The following CDK14 variants were observed in gnomAD, a reference collection of about 807,000 sequenced individuals.
The protein encoded by CDK14 is cyclin-dependent kinase 14.
In CDK14, 34 loss-of-function variants were observed where a neutral mutation model predicts 60.7. That is an observed-to-expected ratio of 0.56 (90% confidence interval 0.43 to 0.75). The LOEUF (loss-of-function observed/expected upper bound fraction) is 0.75. Ranked by LOEUF, CDK14 falls within the 30% of genes least tolerant of loss-of-function variation. The pLI is 0.00. For missense variants in CDK14, 482 were observed against 564.1 expected, an observed-to-expected ratio of 0.85 and a Z score of 1.47; for synonymous variants, 197 against 203.7, an observed-to-expected ratio of 0.97 and a Z score of 0.28.
At chr7:91,131,191 A>T (rs1800105923) in intron 14 of CDK14, among the ~76,000 whole-genome samples, 2 of 151,866 alleles carry the variant, frequency 1.3e-5, no homozygotes, top group African/African-American at 2.4e-5. Flanking sequence ...TCCTTAACCC[A>T]CCTTCTCCTA....
intron 1 of CDK14, among the ~76,000 whole-genome samples, chr7:90,601,793 G>C (rs763553300): frequency 6.6e-6 from 1 of 151,844 alleles, no homozygotes; most frequent in Admixed American, 6.6e-5. Flanking sequence ...TCACTCTGTC[G>C]CCCAGGCTGG....
chr7:90,975,376 T>C (rs1449459106), intron 9 of CDK14, among the ~76,000 whole-genome samples: 2 of 151,842 alleles, frequency 1.3e-5, no homozygotes, highest in Non-Finnish European at 2.9e-5. Flanking sequence ...AATTTACATT[T>C]TCATTGGGTA....
intron 2 of CDK14, among the ~76,000 whole-genome samples, chr7:90,640,635 C>G (rs1199903103): frequency 6.6e-6 from 1 of 151,880 alleles, no homozygotes; most frequent in Non-Finnish European, 1.5e-5. Flanking sequence ...TTAGGTTTCT[C>G]TGGATACATT....
chr7:90,605,238 C>G (rs1799393536), intron 2 of CDK14, among the ~76,000 whole-genome samples: 2 of 152,168 alleles, frequency 1.3e-5, no homozygotes, highest in South Asian at 4.1e-4. Context: ...CAGAGAGAAC[C>G]TGCTCCAGGC....
At position 91,052,597 on chromosome 7, in the gene CDK14, A is replaced by G. The variant is rs551689109; in HGVS notation, c.1105+6637A>G. ...TGCTTCCAACAAAAGGGAAAGGTAC[A>G]TTCAAAAACTATTTAATGGATTATT... is the stretch of plus-strand genomic sequence containing the variant. On this transcript the variant is annotated intron_variant, in intron 11 of 14. Transcript: ENST00000380050. Among the ~76,000 whole-genome samples the G allele has an allele frequency of 1.2e-3, 189 of 152,354 alleles. 1 individual carries two copies. The highest frequency in any genetic ancestry group is 2.4e-3 in the Non-Finnish European group (161 of 68,036).
intron 2 of CDK14, chr7:90,726,308 C>T: frequency 2.0e-6 from 2 of 983,980 alleles, no homozygotes; most frequent in Non-Finnish European, 2.4e-6. Context: ...TAGGGTACTA[C>T]TAGCAGCCTG....
At chr7:91,151,114 C>T (rs1204597660) in intron 14 of CDK14, among the ~76,000 whole-genome samples, 1 of 152,080 alleles carries the variant, frequency 6.6e-6, no homozygotes, top group Non-Finnish European at 1.5e-5. Flanking sequence ...AACTGGAGTT[C>T]CCTTGGTGGG....
At position 90,623,747 on chromosome 7, in the gene CDK14, G is replaced by A. The variant is rs150148213; in HGVS notation, c.123+19498G>A. ...TTTGATTAGGATGGCAGTTACAGTG[G>A]TGATAATGCCTTCCTGGAGTTTTCA... On this transcript the variant is annotated intron_variant, in intron 2 of 14. Transcript: ENST00000380050. Among the ~76,000 whole-genome samples, 976 of 152,232 alleles carry A rather than the reference G, an allele frequency of 6.4e-3. 5 individuals are homozygous for A. Among genetic ancestry groups the A allele is most frequent in the Middle Eastern group, 0.014 (4 of 294 alleles).
At chr7:91,066,765 G>A (rs1032892018) in intron 11 of CDK14, among the ~76,000 whole-genome samples, 1 of 152,084 alleles carries the variant, frequency 6.6e-6, no homozygotes, top group South Asian at 2.1e-4. Flanking sequence ...CGTGCATGGC[G>A]GTTTGAGAGA....
intron 10 of CDK14, among the ~76,000 whole-genome samples, chr7:90,998,946 G>A (rs1795763700): frequency 6.6e-6 from 1 of 152,076 alleles, no homozygotes; most frequent in Admixed American, 6.5e-5. Flanking sequence ...TGGAGGCTGG[G>A]AAGTGCAAGG....
chr7:90,639,888 T>C (rs1800275635), intron 2 of CDK14, among the ~76,000 whole-genome samples: 1 of 152,086 alleles, frequency 6.6e-6, no homozygotes, highest in Non-Finnish European at 1.5e-5. Context: ...GTGCTAGCAA[T>C]CGGCGAGACT....
At chr7:90,894,787 A>G (rs973533679) in intron 6 of CDK14, among the ~76,000 whole-genome samples, 3 of 152,162 alleles carry the variant, frequency 2.0e-5, no homozygotes, top group Admixed American at 6.5e-5. Flanking sequence ...GTTCTTTTGT[A>G]CCCACCACTA....
chr7:90,622,923 C>CTTTTTTTTT (rs1245736325), intron 2 of CDK14, among the ~76,000 whole-genome samples: 2 of 130,310 alleles, frequency 1.5e-5, no homozygotes, highest in East Asian at 2.2e-4. Flanking sequence ...CTTTTTTTTT[C>CTTTTTTTTT]TTTTTTTTTT....
chr7:91,159,556 A>G (rs1801101183), intron 14 of CDK14, among the ~76,000 whole-genome samples: 2 of 152,210 alleles, frequency 1.3e-5, no homozygotes. Flanking sequence ...CATATTATCT[A>G]AAGTGTTGGC....
At chr7:90,843,789 G>A (rs545404069) in intron 5 of CDK14, among the ~76,000 whole-genome samples, 1 of 152,266 alleles carries the variant, frequency 6.6e-6, no homozygotes, top group Admixed American at 6.5e-5. Context: ...AAGGCATGCT[G>A]TAGGGAAGGT....
chr7:90,998,737 A>G (rs1795755789), intron 10 of CDK14, among the ~76,000 whole-genome samples: 1 of 152,012 alleles, frequency 6.6e-6, no homozygotes, highest in Admixed American at 6.5e-5. Flanking sequence ...AAATACAAAA[A>G]AATTAGCTGG....
chr7:90,827,756 A>G (rs143423576), intron 5 of CDK14, among the ~76,000 whole-genome samples: 1 of 152,332 alleles, frequency 6.6e-6, no homozygotes, highest in Non-Finnish European at 1.5e-5. Flanking sequence ...TTCAATTCCC[A>G]GAAACACTTT....
At chr7:91,123,617 C>A (rs148563447) in intron 14 of CDK14, among the ~76,000 whole-genome samples, 1 of 152,240 alleles carries the variant, frequency 6.6e-6, no homozygotes, top group African/African-American at 2.4e-5. Flanking sequence ...CCCACCTCCA[C>A]CCCACCTTAC....
intron 2 of CDK14, among the ~76,000 whole-genome samples, chr7:90,673,293 G>A (rs369372989): frequency 6.6e-5 from 10 of 152,308 alleles, no homozygotes; most frequent in Middle Eastern, 3.4e-3. Context: ...GTTAGGTGCC[G>A]TTATAAGGGT....
Sources: allele counts gnomAD v4.1 joint callset (sites outside exome capture counted in the v4.1 genomes callset), GRCh38; gene constraint gnomAD v4.1.1; transcripts MANE v1.5; gene names NCBI Gene and HGNC (gene_info 2026-07-23, HGNC 2026-07-21).